The following ANKRD17 variants were observed in gnomAD, a reference collection of about 807,000 sequenced individuals.
The protein encoded by ANKRD17 is ankyrin repeat domain 17.
Under a neutral mutation model 229.7 loss-of-function variants are expected in ANKRD17, and 19 were observed. The observed-to-expected ratio is 0.08, with a 90% CI of 0.06 to 0.12. ANKRD17 has a LOEUF of 0.12. Among genes scored for constraint, ANKRD17 ranks in the 10% least tolerant of loss-of-function variants. The pLI is 1.00. For missense variants in ANKRD17, 2,176 were observed against 3,176.8 expected (o/e 0.68, Z 7.57); for synonymous variants, 1,112 against 1,146.1 (o/e 0.97, Z 0.60).
At chr4:73,178,339 A>G (rs1735002242) in intron 1 of ANKRD17, among the ~76,000 whole-genome samples, 1 of 152,236 alleles carries the variant, frequency 6.6e-6, no homozygotes, top group Non-Finnish European at 1.5e-5. Flanking sequence ...TATACTTTTT[A>G]TATGCAGCAA....
intron 1 of ANKRD17, among the ~76,000 whole-genome samples, chr4:73,229,618 A>C (rs558639941): frequency 6.6e-6 from 1 of 151,696 alleles, no homozygotes; most frequent in Non-Finnish European, 1.5e-5. Context: ...AAAAAAAAAA[A>C]ACCCAACCAC....
chr4:73,107,600 G>A (rs1368499123), intron 24 of ANKRD17, among the ~76,000 whole-genome samples: 1 of 152,202 alleles, frequency 6.6e-6, no homozygotes, highest in South Asian at 2.1e-4. Context: ...GGTAATCAGT[G>A]TACCCCTCAT....
chr4:73,110,539 G>A (rs1725186004), intron 24 of ANKRD17, among the ~76,000 whole-genome samples: 2 of 152,134 alleles, frequency 1.3e-5, no homozygotes, highest in Non-Finnish European at 2.9e-5. Flanking sequence ...TTTATACGAG[G>A]AATAACTTAC....
In ANKRD17 at chr4:73,258,578, CG is replaced by C; in HGVS notation, c.90del (p.Ala31ArgfsTer32). The C allele has an allele frequency of 7.5e-6, 11 of 1,459,828 alleles. No homozygotes were observed. The Admixed American group carries it at 7.9e-5, about 10-fold the overall frequency. The allele number at this position is 1,459,828 out of a possible 1,614,324, so 90.4% of individuals were successfully genotyped here. ...PPAVAAVAGP[P>X]AAAEVGGGVG... ...ACGCCGCCGCCGACCTCCGCCGCCG[CG>C]GGGGGGCCCGCCACAGCCGCCACCG... On this transcript the variant is annotated frameshift_variant, in exon 1 of 34. Transcript: ENST00000358602. LOFTEE classifies it high-confidence loss of function.
chr4:73,167,111 G>A (rs1733336385), intron 2 of ANKRD17, among the ~76,000 whole-genome samples: 2 of 152,026 alleles, frequency 1.3e-5, no homozygotes, highest in South Asian at 4.1e-4. Context: ...AATTAACATA[G>A]GTGGCAATGT....
chr4:73,154,868 C>T (rs946267687), intron 5 of ANKRD17, among the ~76,000 whole-genome samples: 3 of 151,762 alleles, frequency 2.0e-5, no homozygotes, highest in Non-Finnish European at 4.4e-5. Context: ...GGTGAAACCC[C>T]GTCTCTACTA....
At chr4:73,195,975 T>C (rs980864850) in intron 1 of ANKRD17, among the ~76,000 whole-genome samples, 120 of 152,054 alleles carry the variant, frequency 7.9e-4, no homozygotes, top group African/African-American at 2.6e-3. Flanking sequence ...CTTTAGCAGA[T>C]TTAATGATTC....
At chr4:73,222,813 C>A (rs1742033104) in intron 1 of ANKRD17, among the ~76,000 whole-genome samples, 1 of 152,180 alleles carries the variant, frequency 6.6e-6, no homozygotes, top group Admixed American at 6.5e-5. Flanking sequence ...GTGAACCAGT[C>A]TGAAACATTC....
At chr4:73,141,144 G>T (rs955340012) in intron 14 of ANKRD17, among the ~76,000 whole-genome samples, 2 of 152,100 alleles carry the variant, frequency 1.3e-5, no homozygotes, top group Admixed American at 6.5e-5. Context: ...GTTTCTTCAG[G>T]TAAAACTTTT....
At chr4:73,215,262 G>C (rs1009950306) in intron 1 of ANKRD17, among the ~76,000 whole-genome samples, 2 of 144,820 alleles carry the variant, frequency 1.4e-5, no homozygotes, top group African/African-American at 5.5e-5. Context: ...GTTAGAAAAT[G>C]TGATTTTTTT....
intron 24 of ANKRD17, chr4:73,112,704 C>T (rs981521557): frequency 3.1e-5 from 24 of 769,898 alleles, no homozygotes; most frequent in Admixed American, 1.3e-4. Flanking sequence ...AGTCAAAAAA[C>T]GCATATGCAT....
chr4:73,096,277 C>A (rs531452467), intron 27 of ANKRD17, among the ~76,000 whole-genome samples: 11 of 152,174 alleles, frequency 7.2e-5, no homozygotes, highest in South Asian at 2.1e-4. Context: ...TATACAAAAA[C>A]CAAATTATCT....
At position 73,115,825 on chromosome 4, in the gene ANKRD17, T is replaced by G; in HGVS notation, c.4280A>C (p.Asp1427Ala). 6.2e-7 allele frequency: 1 copy of G among 1,610,422 alleles called. No individual in the cohort carries two copies. Among genetic ancestry groups the G allele is most frequent in the Non-Finnish European group, 8.5e-7 (1 of 1,177,754 alleles). The stretch of plus-strand genomic sequence containing the variant: ...ATATAGTGAACAACATATTACCTTA[T>G]CAGTGATGGTTGCTATGTATCTCAT... ...ECMRYIATIT[D>A]KEMLKKCHLC... Residue 1427 changes from aspartate (D) to alanine (A), a missense_variant, in exon 23 of 34, where the codon GAT becomes GCT. Physicochemically the swap from Asp to Ala is moderately radical, Grantham distance 126. Transcript: ENST00000358602.
intron 2 of ANKRD17, among the ~76,000 whole-genome samples, chr4:73,168,361 T>C (rs922460274): frequency 5.3e-5 from 8 of 152,162 alleles, no homozygotes; most frequent in Non-Finnish European, 8.8e-5. Flanking sequence ...GAAAACATCA[T>C]GTCTTTAAAA....
chr4:73,096,028 A>G (rs1723263414), intron 27 of ANKRD17, among the ~76,000 whole-genome samples: 1 of 152,210 alleles, frequency 6.6e-6, no homozygotes, highest in African/African-American at 2.4e-5. Flanking sequence ...TATTTCTAAA[A>G]GAAATACAGT....
chr4:73,136,394 T>A (rs1728898029), intron 15 of ANKRD17, among the ~76,000 whole-genome samples: 1 of 152,148 alleles, frequency 6.6e-6, no homozygotes, highest in Non-Finnish European at 1.5e-5. Context: ...GATCTTATTA[T>A]AACAATTATA....
chr4:73,107,840 C>T (rs1238937203), intron 24 of ANKRD17, among the ~76,000 whole-genome samples: 2 of 152,036 alleles, frequency 1.3e-5, no homozygotes, highest in Non-Finnish European at 2.9e-5. Flanking sequence ...CATTGTCGGG[C>T]TCTGAACAGA....
chr4:73,111,645 T>C (rs1725333248), intron 24 of ANKRD17, among the ~76,000 whole-genome samples: 1 of 152,216 alleles, frequency 6.6e-6, no homozygotes, highest in African/African-American at 2.4e-5. Flanking sequence ...ACAATATTAT[T>C]TGTCGTGACA....
chr4:73,171,111 T>G (rs1411150500), intron 2 of ANKRD17, among the ~76,000 whole-genome samples: 1 of 147,448 alleles, frequency 6.8e-6, no homozygotes, highest in African/African-American at 2.5e-5. Flanking sequence ...CCTAGTACAG[T>G]CCCAGTGGTG....
Sources: gnomAD v4.1 joint callset for allele counts (sites outside exome capture counted in the v4.1 genomes callset) on GRCh38, gnomAD v4.1.1 for gene constraint, MANE v1.5 for transcripts, NCBI Gene and HGNC (gene_info 2026-07-23, HGNC 2026-07-21) for gene names.